The following GOLIM4 variants were observed in gnomAD, a reference collection of about 807,000 sequenced individuals.
The protein encoded by GOLIM4 is golgi integral membrane protein 4.
A neutral mutation model predicts 107.4 loss-of-function variants in GOLIM4; 71 were observed. The ratio of observed to expected loss-of-function variants is 0.66; its 90% CI spans 0.55 to 0.81. The LOEUF (loss-of-function observed/expected upper bound fraction) is 0.81, where lower values mean the gene tolerates loss of function less well. Ranked by LOEUF, GOLIM4 falls within the 30% of genes least tolerant of loss-of-function variation. GOLIM4 has a pLI of 0.00. For missense variants in GOLIM4, 830 were observed against 826.1 expected (o/e 1.00, Z -0.06); for synonymous variants, 327 against 294.8 (o/e 1.11, Z -1.12).
At chr3:168,051,126 A>G (rs1371306935) in intron 1 of GOLIM4, among the ~76,000 whole-genome samples, 2 of 152,084 alleles carry the variant, frequency 1.3e-5, no homozygotes, top group Admixed American at 6.6e-5. Context: ...TGGCTTAGGA[A>G]GGACAGAACT....
chr3:168,043,649 T>C (rs963150049), intron 4 of GOLIM4, 120 bp from the exon 5 acceptor site: 7 of 684,970 alleles, frequency 1.0e-5, no homozygotes, highest in African/African-American at 1.9e-5. Context: ...CATGAAGAAA[T>C]AGGCTTTGTT....
At chr3:168,064,887 C>A (rs1720462951) in intron 1 of GOLIM4, among the ~76,000 whole-genome samples, 1 of 151,466 alleles carries the variant, frequency 6.6e-6, no homozygotes. Flanking sequence ...TTCTTTTCAA[C>A]CTTATTCATA....
intron 7 of GOLIM4, among the ~76,000 whole-genome samples, chr3:168,040,224 T>C (rs1018310050): frequency 2.0e-5 from 3 of 152,220 alleles, no homozygotes; most frequent in South Asian, 4.1e-4. Context: ...AAATATATAC[T>C]GAGGGCCTGC....
intron 9 of GOLIM4, among the ~76,000 whole-genome samples, chr3:168,031,099 A>G (rs1718308087): frequency 6.6e-6 from 1 of 152,194 alleles, no homozygotes; most frequent in South Asian, 2.1e-4. Flanking sequence ...TCAAGCACAG[A>G]AAGACATACA....
At chr3:168,075,360 G>A (rs1577568329) in intron 1 of GOLIM4, among the ~76,000 whole-genome samples, 1 of 144,724 alleles carries the variant, frequency 6.9e-6, no homozygotes, top group East Asian at 2.0e-4. Context: ...GCAGTGGCGG[G>A]ATCTCGGCTC....
intron 1 of GOLIM4, among the ~76,000 whole-genome samples, chr3:168,083,513 C>T (rs1046514203): frequency 1.6e-4 from 24 of 152,236 alleles, no homozygotes; most frequent in African/African-American, 5.1e-4. Flanking sequence ...CCAGGTCAAA[C>T]GGTTTAAATA....
Position 168,037,362 on chromosome 3 carries a change from A to G in GOLIM4, c.685-368T>C, listed in dbSNP as rs569375800. Among the ~76,000 whole-genome samples, 207 of 152,312 alleles carry G rather than the reference A, an allele frequency of 1.4e-3. 1 individual carries two copies. The highest frequency in any genetic ancestry group is 4.8e-3 in the African/African-American group (199 of 41,554). ...TAAAAACTCATATAATTATAAAAAT[A>G]CAAGTGCAAATACCTTTTACCAATA... is the stretch of plus-strand genomic sequence containing the variant. On this transcript the variant is annotated intron_variant, in intron 7 of 15. Transcript: ENST00000470487.
At position 168,044,855 on chromosome 3, in the gene GOLIM4, T is replaced by C. The variant is rs751430681; in HGVS notation, c.339A>G (p.Ala113=). The change falls in exon 4 of 16, where the codon GCA becomes GCG. Residue 113 remains alanine, a synonymous_variant. Transcript: ENST00000470487. ...GRQDSNSRYS[A]LNVQHQMLKS... ...TCAACATCTGATGTTGGACATTCAGTGCACTGTATCTGCTATTGGAATCTT... is the reference window on the plus strand; with the variant it reads ...TCAACATCTGATGTTGGACATTCAGCGCACTGTATCTGCTATTGGAATCTT... 6.4e-7 allele frequency: 1 copy of C among 1,565,770 alleles called. No homozygotes were observed. The highest frequency in any genetic ancestry group is 1.9e-5 in the Admixed American group (1 of 51,834).
In GOLIM4 at chr3:168,095,114, A is replaced by AGAGG; in HGVS notation, c.168_171dup (p.Ser58ProfsTer10). On this transcript the variant is annotated frameshift_variant, in exon 1 of 16. Coordinates refer to ENST00000470487, the MANE Select transcript of GOLIM4 (RefSeq NM_014498.5). LOFTEE classifies it high-confidence loss of function. Reference sequence around the variant, plus strand: ...TTAGCCGTACCTTGTAACTGGGCGGAGAGGGACTCCTGGTGCTGCTGGTAC... The same window carrying AGAGG: ...TTAGCCGTACCTTGTAACTGGGCGGAGAGGGAGGGACTCCTGGTGCTGCTGGTAC... The AGAGG allele has an allele frequency of 6.2e-7, 1 of 1,602,196 alleles. No homozygotes were observed. The highest frequency in any genetic ancestry group is 8.5e-7 in the Non-Finnish European group (1 of 1,171,174).
chr3:168,009,864 T>A lies in GOLIM4; in HGVS notation c.*405A>T, dbSNP rs1716891526. ...CAGGCCATTCTCTTTAAAGTCTGCA[T>A]GGCATTTTGCAGTACTCTCTGTTCT... On this transcript the variant is annotated 3_prime_UTR_variant, in exon 16 of 16. Coordinates refer to ENST00000470487, the MANE Select transcript of GOLIM4 (RefSeq NM_014498.5). 1 of 156,880 alleles carries A rather than the reference T, an allele frequency of 6.4e-6. No homozygotes were observed. The highest frequency in any genetic ancestry group is 6.4e-5 in the Admixed American group (1 of 15,574). The allele number at this position is 156,880 out of a possible 1,614,324, so 9.7% of individuals were successfully genotyped here. A position where few individuals can be genotyped will look rare whatever the true frequency, so the allele number is the denominator to read the frequency against.
chr3:168,059,100 G>A (rs1720127367), intron 1 of GOLIM4, among the ~76,000 whole-genome samples: 1 of 152,138 alleles, frequency 6.6e-6, no homozygotes, highest in African/African-American at 2.4e-5. Flanking sequence ...ATGCAACTAT[G>A]AATAGTTTTC....
chr3:168,092,447 C>A (rs893922431), intron 1 of GOLIM4, among the ~76,000 whole-genome samples: 1 of 152,148 alleles, frequency 6.6e-6, no homozygotes, highest in Non-Finnish European at 1.5e-5. Context: ...ACAAGTAACC[C>A]ACTTTCAAAG....
At chr3:168,018,822 G>A (rs1331915660) in intron 14 of GOLIM4, among the ~76,000 whole-genome samples, 6 of 152,056 alleles carry the variant, frequency 3.9e-5, no homozygotes, top group Admixed American at 3.9e-4. Flanking sequence ...TGTTGTAGTT[G>A]AGACTGGGGG....
In GOLIM4 at chr3:168,029,806, G is replaced by A; in HGVS notation, c.1407C>T (p.Gly469=). The A allele has an allele frequency of 6.2e-7, 1 of 1,613,840 alleles. No individual in the cohort carries two copies. Among genetic ancestry groups the A allele is most frequent in the Non-Finnish European group, 8.5e-7 (1 of 1,180,000 alleles). The stretch of plus-strand genomic sequence containing the variant: ...GGAGCTGCTCCTGGTGCTGCGGCCG[G>A]CCCTCCTCAAGCTCAGCCTGCCTCT... ...ALQRQAELEE[G]RPQHQEQLRQ... The change falls in exon 10 of 16, where the codon GGC becomes GGT. Residue 469 remains glycine (G), a synonymous_variant. Transcript: ENST00000470487.
intron 8 of GOLIM4, among the ~76,000 whole-genome samples, chr3:168,034,667 G>A (rs1467815145): frequency 1.3e-5 from 2 of 152,142 alleles, no homozygotes; most frequent in African/African-American, 2.4e-5. Context: ...ATATGGTTTG[G>A]CTGTGTCCCC....
intron 1 of GOLIM4, among the ~76,000 whole-genome samples, chr3:168,077,795 A>G (rs1721146077): frequency 6.6e-6 from 1 of 152,178 alleles, no homozygotes; most frequent in African/African-American, 2.4e-5. Flanking sequence ...GTTGTCACAG[A>G]AAGAAATTCA....
At chr3:168,063,197 G>C (rs1219638237) in intron 1 of GOLIM4, among the ~76,000 whole-genome samples, 3 of 152,020 alleles carry the variant, frequency 2.0e-5, no homozygotes, top group East Asian at 1.9e-4. Flanking sequence ...TGCCACTGAG[G>C]AAACTTAAAA....
intron 1 of GOLIM4, among the ~76,000 whole-genome samples, chr3:168,054,189 T>C (rs1440982471): frequency 6.6e-6 from 1 of 152,238 alleles, no homozygotes; most frequent in Non-Finnish European, 1.5e-5. Context: ...TCATAATTTA[T>C]GGCTGAATTT....
intron 12 of GOLIM4, 56 bp from the exon 13 acceptor site, chr3:168,025,151 T>C: frequency 6.9e-7 from 1 of 1,443,434 alleles, no homozygotes; most frequent in Non-Finnish European, 9.6e-7. Context: ...TCAAGTTTAA[T>C]TTCATTTGAA....
Sources: gnomAD v4.1 joint callset for allele counts (sites outside exome capture counted in the v4.1 genomes callset) on GRCh38, gnomAD v4.1.1 for gene constraint, MANE v1.5 for transcripts, NCBI Gene and HGNC (gene_info 2026-07-23, HGNC 2026-07-21) for gene names.